The following GUCA1C variants were observed in gnomAD, a reference collection of about 807,000 sequenced individuals.
GUCA1C encodes guanylyl cyclase-activating protein 3.
A neutral mutation model predicts 16.2 loss-of-function variants in GUCA1C; 15 were observed. That is an observed-to-expected ratio of 0.93 (90% confidence interval 0.62 to 1.43). GUCA1C has a LOEUF of 1.43. Among genes scored for constraint, GUCA1C ranks in the 40% most tolerant of loss-of-function variants. The pLI, the probability that GUCA1C is intolerant of heterozygous loss-of-function variation, is 0.00. For missense variants in GUCA1C, 275 were observed against 244.8 expected (o/e 1.12, Z -0.82); for synonymous variants, 78 against 85.4 (o/e 0.91, Z 0.48).
intron 1 of GUCA1C, among the ~76,000 whole-genome samples, chr3:108,950,443 T>C (rs570119431): frequency 6.6e-6 from 1 of 152,314 alleles, no homozygotes; most frequent in East Asian, 1.9e-4. Flanking sequence ...ATGGTAGTTC[T>C]ATTTTTAATT....
intron 1 of GUCA1C, among the ~76,000 whole-genome samples, chr3:108,935,590 G>A (rs1361006677): frequency 1.3e-5 from 2 of 152,004 alleles, no homozygotes; most frequent in Non-Finnish European, 2.9e-5. Context: ...CAGCTACTTG[G>A]GAGGCTGAGG....
intron 1 of GUCA1C, among the ~76,000 whole-genome samples, chr3:108,925,343 G>A (rs1401952076): frequency 6.6e-6 from 1 of 152,050 alleles, no homozygotes; most frequent in Non-Finnish European, 1.5e-5. Context: ...TTCAGTTCAA[G>A]GAATTTTTAA....
chr3:108,940,387 CA>C (rs1465310784), intron 1 of GUCA1C, among the ~76,000 whole-genome samples: 3 of 152,212 alleles, frequency 2.0e-5, no homozygotes, highest in Non-Finnish European at 4.4e-5. Context: ...TTGCCTGCTC[CA>C]ATTTTTAAGG....
intron 2 of GUCA1C, among the ~76,000 whole-genome samples, chr3:108,918,441 C>T (rs1184959147): frequency 6.6e-6 from 1 of 152,192 alleles, no homozygotes; most frequent in African/African-American, 2.4e-5. Context: ...TGCACCCTTG[C>T]TGCCACTGTT....
At chr3:108,925,178 G>T (rs1453500710) in intron 1 of GUCA1C, among the ~76,000 whole-genome samples, 1 of 151,422 alleles carries the variant, frequency 6.6e-6, no homozygotes, top group Non-Finnish European at 1.5e-5. Flanking sequence ...CTGGGTTTAG[G>T]TTTAGATTAA....
chr3:108,952,896 CTCT>C (rs1403400890), intron 1 of GUCA1C, among the ~76,000 whole-genome samples: 14 of 149,352 alleles, frequency 9.4e-5, no homozygotes. Flanking sequence ...ATATTCTTTT[CTCT>C]TCTTTGTATT....
chr3:108,921,529 A>G (rs1045769113), intron 1 of GUCA1C, among the ~76,000 whole-genome samples: 2 of 152,222 alleles, frequency 1.3e-5, no homozygotes, highest in Non-Finnish European at 2.9e-5. Flanking sequence ...CTTTCAAAGT[A>G]GTTGAACCAT....
intron 1 of GUCA1C, among the ~76,000 whole-genome samples, chr3:108,924,071 G>A (rs1946596339): frequency 6.6e-6 from 1 of 151,938 alleles, no homozygotes; most frequent in Non-Finnish European, 1.5e-5. Context: ...GAGTTCTTTA[G>A]GTATATGATC....
intron 1 of GUCA1C, among the ~76,000 whole-genome samples, chr3:108,932,323 CAAAAAAAA>C (rs71106610): frequency 0.023 from 2,363 of 102,072 alleles, 80 homozygotes; most frequent in African/African-American, 0.082. Context: ...GACCTCCCAC[CAAAAAAAA>C]AAAAAAAACA....
intron 2 of GUCA1C, among the ~76,000 whole-genome samples, chr3:108,918,108 T>C (rs1946535900): frequency 6.6e-6 from 1 of 152,220 alleles, no homozygotes; most frequent in Non-Finnish European, 1.5e-5. Context: ...CAATTCTTTC[T>C]TGTTCAGGGC....
chr3:108,913,932 G>C (rs972785989), intron 3 of GUCA1C, among the ~76,000 whole-genome samples: 4 of 151,938 alleles, frequency 2.6e-5, no homozygotes, highest in East Asian at 1.9e-4. Context: ...TGGGCATGGT[G>C]GGGGGAGCCT....
chr3:108,922,066 C>T (rs2715686), intron 1 of GUCA1C, among the ~76,000 whole-genome samples: 103,369 of 151,746 alleles, frequency 0.68, 35,996 homozygotes, highest in Non-Finnish European at 0.76. Flanking sequence ...AGAATAATAG[C>T]CTCTACTTTT....
intron 1 of GUCA1C, among the ~76,000 whole-genome samples, chr3:108,952,523 T>A (rs539955892): frequency 6.6e-6 from 1 of 152,330 alleles, no homozygotes; most frequent in Non-Finnish European, 1.5e-5. Flanking sequence ...AAACAGCTGT[T>A]AATTTTGCAC....
chr3:108,925,396 A>C (rs575842420), intron 1 of GUCA1C, among the ~76,000 whole-genome samples: 1 of 152,312 alleles, frequency 6.6e-6, no homozygotes, highest in East Asian at 1.9e-4. Context: ...ATCATTCTGA[A>C]GCAGGTTATT....
chr3:108,924,507 A>C (rs1946602768), intron 1 of GUCA1C, among the ~76,000 whole-genome samples: 1 of 151,856 alleles, frequency 6.6e-6, no homozygotes, highest in South Asian at 2.1e-4. Context: ...ATCTTGGTGG[A>C]TTATTTTTTT....
intron 1 of GUCA1C, among the ~76,000 whole-genome samples, chr3:108,944,894 C>T (rs559678992): frequency 6.6e-6 from 1 of 152,282 alleles, no homozygotes; most frequent in South Asian, 2.1e-4. Context: ...TGAATTGATG[C>T]ACCACTTGCA....
chr3:108,910,794 C>G lies in GUCA1C; in HGVS notation c.443-2585G>C, dbSNP rs533494946. 8.6e-5 allele frequency among the ~76,000 whole-genome samples: 13 copies of G among 151,766 alleles called. No individual in the cohort carries two copies. In the East Asian group the frequency reaches 2.6e-3, roughly 30 times the overall value. ...CCTCCCGAGTAGCTGGGACTACAGG[C>G]GCCCACCACCACACCTGGCTAATTT... On this transcript the variant is annotated intron_variant, in intron 3 of 3. Coordinates refer to ENST00000261047, the MANE Select transcript of GUCA1C (RefSeq NM_005459.4).
At chr3:108,946,008 A>G (rs1946840910) in intron 1 of GUCA1C, among the ~76,000 whole-genome samples, 1 of 152,226 alleles carries the variant, frequency 6.6e-6, no homozygotes, top group Admixed American at 6.5e-5. Context: ...GAAATCAGCA[A>G]ATGTCACCAG....
At chr3:108,908,510 A>T (rs1252202043) in intron 3 of GUCA1C, among the ~76,000 whole-genome samples, 3 of 152,232 alleles carry the variant, frequency 2.0e-5, no homozygotes, top group Non-Finnish European at 4.4e-5. Flanking sequence ...TGGTTTTTGG[A>T]CTTTTAATCT....
Sources: gnomAD v4.1 joint callset for allele counts (sites outside exome capture counted in the v4.1 genomes callset) on GRCh38, gnomAD v4.1.1 for gene constraint, MANE v1.5 for transcripts, NCBI Gene and HGNC (gene_info 2026-07-23, HGNC 2026-07-21) for gene names.